The following CNTNAP3 variants were observed in gnomAD, a reference collection of about 807,000 sequenced individuals.
CNTNAP3 encodes the protein contactin associated protein family member 3.
In CNTNAP3, 36 loss-of-function variants were observed where a neutral mutation model predicts 92.1. The ratio of observed to expected loss-of-function variants is 0.39; its 90% confidence interval spans 0.30 to 0.52. The LOEUF (loss-of-function observed/expected upper bound fraction) is 0.52. CNTNAP3 is among the 20% of genes least tolerant of loss of function. The pLI is 0.76. For synonymous variants in CNTNAP3, 232 were observed against 422.3 expected, an observed-to-expected ratio of 0.55 and a Z score of 5.53; for missense variants, 534 against 1,069.6, an observed-to-expected ratio of 0.50 and a Z score of 6.98.
Position 39,065,958 on chromosome 9 carries a change from C to A in CNTNAP3, c.*7932G>T, listed in dbSNP as rs1191640192. Among the ~76,000 whole-genome samples the A allele has an allele frequency of 6.6e-6, 1 of 152,208 alleles. No individual in the cohort carries two copies. The highest frequency in any genetic ancestry group is 1.5e-5 in the Non-Finnish European group (1 of 68,028). ...GTATTTTAAAAGGAGAGTTGTTAAT[C>A]TTAAGGTCAAATTTATCAGATTTTT... On this transcript the variant is annotated 3_prime_UTR_variant, in exon 24 of 24. Transcript: ENST00000297668.
intron 13 of CNTNAP3, among the ~76,000 whole-genome samples, chr9:39,131,477 C>A (rs1195100638): frequency 6.6e-6 from 1 of 151,752 alleles, no homozygotes; most frequent in Non-Finnish European, 1.5e-5. Flanking sequence ...AGAGGGATCA[C>A]CCTGGGAAGG....
At chr9:39,159,260 G>A (rs1170529134) in intron 9 of CNTNAP3, 3 of 148,996 alleles carry the variant, frequency 2.0e-5, no homozygotes, top group Admixed American at 6.7e-5. Flanking sequence ...TACTTCACTC[G>A]AAGGCCATAC....
intron 21 of CNTNAP3, among the ~76,000 whole-genome samples, chr9:39,083,902 T>G (rs1028539535): frequency 6.6e-6 from 1 of 151,838 alleles, no homozygotes; most frequent in African/African-American, 2.4e-5. Context: ...CTTGTGATAA[T>G]CAATCTGAAT....
intron 10 of CNTNAP3, among the ~76,000 whole-genome samples, chr9:39,149,343 AGTTTTT>A (rs1000835334): frequency 1.3e-5 from 2 of 150,458 alleles, no homozygotes; most frequent in Non-Finnish European, 2.9e-5. Context: ...TTAGAGATGC[AGTTTTT>A]GTTTTTGTTT....
At position 39,068,153 on chromosome 9, in the gene CNTNAP3, G is replaced by A. The variant is rs1364663646; in HGVS notation, c.*5737C>T. On this transcript the variant is annotated 3_prime_UTR_variant, in exon 24 of 24. Transcript: ENST00000297668. ...AGTGGCTTACGCCTGTGATACCAGCGCTTTAGGAGGCTGAGGTGGGCAGAT... is the reference window on the plus strand; with the variant it reads ...AGTGGCTTACGCCTGTGATACCAGCACTTTAGGAGGCTGAGGTGGGCAGAT... Among the ~76,000 whole-genome samples, 2 of 152,410 alleles carry A rather than the reference G, an allele frequency of 1.3e-5. No homozygotes were observed. Among genetic ancestry groups the A allele is most frequent in the South Asian group, 2.1e-4 (1 of 4,832 alleles).
intron 19 of CNTNAP3, among the ~76,000 whole-genome samples, chr9:39,088,085 T>G (rs184639403): frequency 0.01 from 1,595 of 152,250 alleles, 16 homozygotes; most frequent in Non-Finnish European, 0.012. Context: ...GGAGGGAATG[T>G]ATGTCATGTA....
At chr9:39,096,474 A>G (rs1430091536) in intron 18 of CNTNAP3, among the ~76,000 whole-genome samples, 1 of 152,074 alleles carries the variant, frequency 6.6e-6, no homozygotes, top group African/African-American at 2.4e-5. Context: ...ATATTTTGAT[A>G]CAACCAAACA....
At chr9:39,080,359 G>A (rs1429698033) in intron 21 of CNTNAP3, among the ~76,000 whole-genome samples, 2 of 137,164 alleles carry the variant, frequency 1.5e-5, no homozygotes, top group African/African-American at 2.8e-5. Flanking sequence ...GAAACCTGGT[G>A]AGTCAGTTTA....
chr9:39,090,251 G>A (rs1356472832), intron 18 of CNTNAP3, among the ~76,000 whole-genome samples: 1 of 152,126 alleles, frequency 6.6e-6, no homozygotes, highest in Non-Finnish European at 1.5e-5. Flanking sequence ...TTATTCAGTT[G>A]TAAAAGCTCT....
At chr9:39,108,280 CT>C (rs956130021) in intron 15 of CNTNAP3, among the ~76,000 whole-genome samples, 15 of 152,070 alleles carry the variant, frequency 9.9e-5, no homozygotes, top group East Asian at 1.9e-4. Context: ...GGTCCCCCCC[CT>C]CTCTGGGGAG....
chr9:39,090,908 A>T (rs141967127), intron 18 of CNTNAP3, among the ~76,000 whole-genome samples: 31,266 of 151,340 alleles, frequency 0.21, 56 homozygotes, highest in East Asian at 0.31. Flanking sequence ...TCTTTTGTTA[A>T]ATGTATTGCT....
intron 14 of CNTNAP3, among the ~76,000 whole-genome samples, chr9:39,111,134 G>A (rs1156564117): frequency 6.6e-6 from 1 of 152,140 alleles, no homozygotes; most frequent in Non-Finnish European, 1.5e-5. Flanking sequence ...ATCAAATCAG[G>A]ATAACTGGGA....
chr9:39,147,259 A>G lies in CNTNAP3; in HGVS notation c.1649+2547T>C, dbSNP rs532664292. On this transcript the variant is annotated intron_variant, in intron 10 of 23. Coordinates refer to ENST00000297668, the MANE Select transcript of CNTNAP3 (RefSeq NM_033655.5). ...AGCAGCATGAGAACAGACTAATACAATTAGATTTTTGTTTGTTTGTTAACA... is the reference window on the plus strand; with the variant it reads ...AGCAGCATGAGAACAGACTAATACAGTTAGATTTTTGTTTGTTTGTTAACA... Among the ~76,000 whole-genome samples, 379 of 142,520 alleles carry G rather than the reference A, an allele frequency of 2.7e-3. 2 individuals are homozygous for G. The highest frequency in any genetic ancestry group is 9.2e-3 in the African/African-American group (358 of 39,108). 93.5% of individuals were successfully genotyped at this position (142,520 alleles called of 152,430 possible).
intron 13 of CNTNAP3, among the ~76,000 whole-genome samples, chr9:39,120,561 T>C (rs920898238): frequency 1.3e-4 from 19 of 151,978 alleles, no homozygotes; most frequent in Admixed American, 3.3e-4. Context: ...TCCCAGCTAC[T>C]CAGGAGGCTG....
Position 39,067,999 on chromosome 9 carries a change from T to C in CNTNAP3, c.*5891A>G, listed in dbSNP as rs1351511046. Among the ~76,000 whole-genome samples, 1 of 152,310 alleles carries C rather than the reference T, an allele frequency of 6.6e-6. No homozygotes were observed. The highest frequency in any genetic ancestry group is 1.5e-5 in the Non-Finnish European group (1 of 68,056). On this transcript the variant is annotated 3_prime_UTR_variant, in exon 24 of 24. Coordinates refer to ENST00000297668, the MANE Select transcript of CNTNAP3 (RefSeq NM_033655.5). The stretch of plus-strand genomic sequence containing the variant: ...ATATTGTCCCCAAAACGACAGAAAT[T>C]AGTTTTTTTGGGGGGGATGGGAGAA...
At chr9:39,150,151 A>G (rs1482256166) in intron 9 of CNTNAP3, among the ~76,000 whole-genome samples, 174 bp from the exon 10 acceptor site, 3 of 152,084 alleles carry the variant, frequency 2.0e-5, no homozygotes, top group Non-Finnish European at 4.4e-5. Context: ...GATCAAATTT[A>G]AGATAATACC....
intron 10 of CNTNAP3, among the ~76,000 whole-genome samples, chr9:39,146,995 T>A (rs1448974686): frequency 6.6e-6 from 1 of 152,144 alleles, no homozygotes; most frequent in East Asian, 1.9e-4. Context: ...GGTAACTGAA[T>A]CATGTGGGCA....
At chr9:39,142,667 G>A (rs537351188) in intron 11 of CNTNAP3, among the ~76,000 whole-genome samples, 10 of 136,494 alleles carry the variant, frequency 7.3e-5, no homozygotes, top group South Asian at 4.7e-4. Context: ...GCAAGACTCC[G>A]TCTCAAAAAA....
At chr9:39,116,234 GTAA>G (rs1436516517) in intron 14 of CNTNAP3, among the ~76,000 whole-genome samples, 2 of 152,140 alleles carry the variant, frequency 1.3e-5, no homozygotes, top group African/African-American at 4.8e-5. Flanking sequence ...TGGCTTTCTT[GTAA>G]TAACCTGCCA....
Sources: gnomAD v4.1 joint callset for allele counts (sites outside exome capture counted in the v4.1 genomes callset) on GRCh38, gnomAD v4.1.1 for gene constraint, MANE v1.5 for transcripts, NCBI Gene and HGNC (gene_info 2026-07-23, HGNC 2026-07-21) for gene names.